The following GPR158 variants were observed in gnomAD, a reference collection of about 807,000 sequenced individuals.
GPR158 encodes the protein G protein-coupled receptor 158, also known as metabotropic glycine receptor.
GPR158 carries 30 observed loss-of-function variants against 78.2 expected under a neutral mutation model. The ratio of observed to expected loss-of-function variants is 0.38; its 90% CI spans 0.29 to 0.52. The LOEUF (loss-of-function observed/expected upper bound fraction) is 0.52, where lower values mean the gene tolerates loss of function less well. GPR158 is among the 20% of genes least tolerant of loss of function. The pLI, the probability that GPR158 is intolerant of heterozygous loss-of-function variation, is 0.83. For missense variants in GPR158, 1,463 were observed against 1,523.5 expected (o/e 0.96, Z 0.66); for synonymous variants, 581 against 591.1 (o/e 0.98, Z 0.25).
At chr10:25,221,241 G>C (rs1203450960) in intron 2 of GPR158, 84 bp downstream of exon 2, 1 of 707,062 alleles carries the variant, frequency 1.4e-6, no homozygotes, top group Non-Finnish European at 2.4e-6. Context: ...AAATGAACAA[G>C]AGGCATCTTA....
intron 2 of GPR158, among the ~76,000 whole-genome samples, chr10:25,310,189 G>A (rs994668809): frequency 2.0e-5 from 3 of 152,104 alleles, no homozygotes; most frequent in Admixed American, 1.3e-4. Flanking sequence ...TTGGCAACTT[G>A]TTGAAAATCA....
intron 4 of GPR158, among the ~76,000 whole-genome samples, chr10:25,422,536 G>T (rs959079356): frequency 6.6e-6 from 1 of 151,576 alleles, no homozygotes; most frequent in African/African-American, 2.4e-5. Context: ...CAAAATGGTT[G>T]GAAACTGCTG....
At chr10:25,252,045 T>A (rs1424967897) in intron 2 of GPR158, among the ~76,000 whole-genome samples, 2 of 151,302 alleles carry the variant, frequency 1.3e-5, no homozygotes, top group Admixed American at 6.6e-5. Context: ...ACTTCCCTTC[T>A]CGCTTCATTT....
chr10:25,387,763 C>G (rs1413341313), intron 2 of GPR158, among the ~76,000 whole-genome samples: 1 of 152,130 alleles, frequency 6.6e-6, no homozygotes, highest in African/African-American at 2.4e-5. Flanking sequence ...ATCCACCTGC[C>G]TCAGCCTCCC....
intron 1 of GPR158, among the ~76,000 whole-genome samples, chr10:25,181,208 T>G (rs1283049266): frequency 6.6e-6 from 1 of 152,310 alleles, no homozygotes; most frequent in South Asian, 2.1e-4. Context: ...GGTTACAGAT[T>G]AAAAGGTTTT....
At chr10:25,578,878 G>A (rs193135225) in intron 7 of GPR158, among the ~76,000 whole-genome samples, 4 of 152,044 alleles carry the variant, frequency 2.6e-5, no homozygotes, top group South Asian at 2.1e-4. Context: ...GCATGGTGGC[G>A]GGCGCCTGTA....
In GPR158 at chr10:25,269,431, C is replaced by T. The variant is rs142319021; in HGVS notation, c.1008+48274C>T. Among the ~76,000 whole-genome samples, 678 of 152,182 alleles carry T rather than the reference C, an allele frequency of 4.5e-3. 5 individuals are homozygous for T. The highest frequency in any genetic ancestry group is 0.014 in the African/African-American group (599 of 41,536). On this transcript the variant is annotated intron_variant, in intron 2 of 10. Coordinates refer to ENST00000376351, the MANE Select transcript of GPR158 (RefSeq NM_020752.3). The stretch of plus-strand genomic sequence containing the variant: ...TGTTTGTTAATCCTATGTTAGTTGC[C>T]TCTGTGGCTGAAGAACCTGTGATTT...
intron 2 of GPR158, among the ~76,000 whole-genome samples, chr10:25,231,463 C>G (rs1564397016): frequency 6.6e-6 from 1 of 152,144 alleles, no homozygotes; most frequent in Non-Finnish European, 1.5e-5. Flanking sequence ...TGTTTGGAGT[C>G]TGCTCCTGAA....
intron 2 of GPR158, among the ~76,000 whole-genome samples, chr10:25,234,466 A>G (rs1853496485): frequency 6.6e-6 from 1 of 152,214 alleles, no homozygotes; most frequent in South Asian, 2.1e-4. Flanking sequence ...TATTTCACTT[A>G]TATAGCTTAA....
rs143502826 is a variant in GPR158, at chr10:25,328,649, G to A, written c.1009-67262G>A. ...GTCTATAGAAATGAATCAATTGGCC[G>A]GGCGTGGTACCTCATGCCTGTAATC... On this transcript the variant is annotated intron_variant, in intron 2 of 10. Transcript: ENST00000376351. Among the ~76,000 whole-genome samples, 611 of 151,872 alleles carry A rather than the reference G, an allele frequency of 4.0e-3. 15 individuals are homozygous for A. Among genetic ancestry groups the A allele is most frequent in the East Asian group, 0.015 (77 of 5,178 alleles).
intron 4 of GPR158, among the ~76,000 whole-genome samples, chr10:25,420,021 T>C (rs571766459): frequency 2.6e-5 from 4 of 152,326 alleles, no homozygotes; most frequent in East Asian, 1.9e-4. Context: ...TTTTTCATTG[T>C]TGAGTTGTAG....
Position 25,176,926 on chromosome 10 carries a change from A to G in GPR158, c.902+604A>G, listed in dbSNP as rs776475057. ...GTCCCAGCAGCTAGCTGTCTCTGGGATCCAGACTTTGCAGCTTGGTCAGGG... is the reference window on the plus strand; with the variant it reads ...GTCCCAGCAGCTAGCTGTCTCTGGGGTCCAGACTTTGCAGCTTGGTCAGGG... On this transcript the variant is annotated intron_variant, in intron 1 of 10. Coordinates refer to ENST00000376351, the MANE Select transcript of GPR158 (RefSeq NM_020752.3). This position sits in a 1 kb window ranked among gnomAD's most constrained non-coding sequence, Gnocchi z 6.3. Among the ~76,000 whole-genome samples the G allele has an allele frequency of 2.0e-5, 3 of 152,080 alleles. No homozygotes were observed. The highest frequency in any genetic ancestry group is 4.4e-5 in the Non-Finnish European group (3 of 68,014).
chr10:25,444,283 G>T (rs1469500844), intron 4 of GPR158, among the ~76,000 whole-genome samples: 1 of 151,194 alleles, frequency 6.6e-6, no homozygotes, highest in Non-Finnish European at 1.5e-5. Flanking sequence ...GTATATATGT[G>T]AGTGGGGGTG....
intron 4 of GPR158, among the ~76,000 whole-genome samples, chr10:25,443,471 C>G (rs917686529): frequency 6.7e-6 from 1 of 150,358 alleles, no homozygotes; most frequent in Non-Finnish European, 1.5e-5. Context: ...AGGAGAATAT[C>G]TTGAACCTGG....
chr10:25,361,161 C>T (rs1297043471), intron 2 of GPR158, among the ~76,000 whole-genome samples: 1 of 151,856 alleles, frequency 6.6e-6, no homozygotes, highest in African/African-American at 2.4e-5. Context: ...ACTTTAGGTA[C>T]CACAAATAAA....
chr10:25,405,498 CTTTTTTTTTTTT>C (rs59695469), intron 3 of GPR158, among the ~76,000 whole-genome samples: 818 of 45,600 alleles, frequency 0.018, 18 homozygotes, highest in African/African-American at 0.058. Context: ...AAACAATTTC[CTTTTTTTTTTTT>C]TTTTTTTTTT....
chr10:25,301,700 GAT>G (rs1491223371), intron 2 of GPR158, among the ~76,000 whole-genome samples: 3 of 51,142 alleles, frequency 5.9e-5, no homozygotes, highest in African/African-American at 3.9e-4. Flanking sequence ...CTTTGACACA[GAT>G]TTTTTTTTGA....
At chr10:25,512,325 T>C (rs916463717) in intron 5 of GPR158, among the ~76,000 whole-genome samples, 5 of 152,168 alleles carry the variant, frequency 3.3e-5, no homozygotes, top group Admixed American at 2.6e-4. Flanking sequence ...TTGATTTAAT[T>C]ATCTGCTTGG....
chr10:25,512,903 C>CT (rs1168661382), intron 5 of GPR158, among the ~76,000 whole-genome samples: 1 of 152,000 alleles, frequency 6.6e-6, no homozygotes, highest in African/African-American at 2.4e-5. Context: ...GGTGGATTGT[C>CT]TTTTTGATAT....
Sources: gnomAD v4.1 joint callset for allele counts (sites outside exome capture counted in the v4.1 genomes callset) on GRCh38, gnomAD v4.1.1 for gene constraint, Gnocchi (gnomAD v3.1) non-coding constraint, MANE v1.5 for transcripts, NCBI Gene and HGNC (gene_info 2026-07-23, HGNC 2026-07-21) for gene names.